PCNX1: variants seen among roughly 807,000 people sequenced by gnomAD.
The protein encoded by PCNX1 is pecanex 1.
Under a neutral mutation model 242.2 loss-of-function variants are expected in PCNX1, and 78 were observed. That is an observed-to-expected ratio of 0.32 (90% CI 0.27 to 0.39). The LOEUF (loss-of-function observed/expected upper bound fraction) is 0.39, where lower values mean the gene tolerates loss of function less well. Ranked by LOEUF, PCNX1 falls within the 10% of genes least tolerant of loss-of-function variation. The pLI is 1.00. For missense variants in PCNX1, 2,581 were observed against 2,856.5 expected (o/e 0.90, Z 2.20); for synonymous variants, 1,024 against 1,032.9 (o/e 0.99, Z 0.17).
At chr14:70,970,614 C>T (rs2058512508) in intron 5 of PCNX1, among the ~76,000 whole-genome samples, 1 of 152,168 alleles carries the variant, frequency 6.6e-6, no homozygotes, top group Non-Finnish European at 1.5e-5. Context: ...TGCAACTATA[C>T]ATTAACATAG....
At chr14:71,101,837 A>C (rs2062470252) in intron 30 of PCNX1, among the ~76,000 whole-genome samples, 153 bp from the exon 31 acceptor site, 1 of 152,034 alleles carries the variant, frequency 6.6e-6, no homozygotes. Flanking sequence ...TAACCCAGTT[A>C]TGACTGAGAA....
chr14:70,966,353 G>A (rs898092079), intron 3 of PCNX1, among the ~76,000 whole-genome samples: 16 of 152,304 alleles, frequency 1.1e-4, no homozygotes, highest in African/African-American at 2.9e-4. Context: ...GCAGCCTAAC[G>A]TTAGGCCTCT....
chr14:70,971,693 A>T (rs546522576), intron 5 of PCNX1, among the ~76,000 whole-genome samples: 16 of 152,290 alleles, frequency 1.1e-4, no homozygotes, highest in Non-Finnish European at 2.2e-4. Flanking sequence ...TTTTAATTTT[A>T]AATAGAGTAG....
chr14:70,997,553 G>C (rs535236752), intron 8 of PCNX1, among the ~76,000 whole-genome samples: 1 of 152,220 alleles, frequency 6.6e-6, no homozygotes, highest in South Asian at 2.1e-4. Flanking sequence ...AACCTCTTCT[G>C]ATTGGAGACG....
At position 71,099,980 on chromosome 14, in the gene PCNX1, T is replaced by G. The variant is rs147049311; in HGVS notation, c.5590-2010T>G. Among the ~76,000 whole-genome samples the G allele has an allele frequency of 8.5e-3, 1,297 of 152,272 alleles. 8 individuals are homozygous for G. The highest frequency in any genetic ancestry group is 0.017 in the South Asian group (81 of 4,818). ...GTCATTGCATGTGAGATGGGTCTCTTGAAGAGACCAGACAAATGGATCTTT... is the reference window on the plus strand; with the variant it reads ...GTCATTGCATGTGAGATGGGTCTCTGGAAGAGACCAGACAAATGGATCTTT... On this transcript the variant is annotated intron_variant, in intron 30 of 35. Transcript: ENST00000304743.
chr14:70,984,816 T>A (rs927971284), intron 6 of PCNX1, among the ~76,000 whole-genome samples: 2 of 152,256 alleles, frequency 1.3e-5, no homozygotes, highest in African/African-American at 4.8e-5. Context: ...CCAGCTATTC[T>A]AAAAGTATAT....
chr14:71,088,764 C>T lies in PCNX1; in HGVS notation c.5438+334C>T, dbSNP rs574419268. On this transcript the variant is annotated intron_variant, in intron 29 of 35. Transcript: ENST00000304743. ...TAAATTCATTTTCCATATTTCCTTG[C>T]AGTCTTTGTCCAGGGTATTTATACT... 4.6e-5 allele frequency among the ~76,000 whole-genome samples: 7 copies of T among 152,236 alleles called. No individual in the cohort carries two copies. In the East Asian group the frequency reaches 1.3e-3, roughly 29 times the overall value.
intron 26 of PCNX1, 50 bp from the exon 27 acceptor site, chr14:71,073,495 T>G (rs750366873): frequency 6.5e-7 from 1 of 1,540,058 alleles, no homozygotes; most frequent in South Asian, 1.2e-5. Context: ...CATTCATTTT[T>G]CCCACTTTCT....
chr14:70,960,399 ATTATCTCAAGATGCAGAAAAGGCCT>A (rs1479690367), intron 2 of PCNX1, among the ~76,000 whole-genome samples: 18 of 152,200 alleles, frequency 1.2e-4, no homozygotes, highest in Non-Finnish European at 1.8e-4. Flanking sequence ...TCTTCACGTG[ATTATCTCAAGATGCAGAAAAGGCCT>A]TTATCTCAAG....
chr14:71,051,119 G>A (rs576956449), intron 23 of PCNX1, among the ~76,000 whole-genome samples: 125 of 130,914 alleles, frequency 9.5e-4, no homozygotes, highest in Non-Finnish European at 7.6e-4. Flanking sequence ...AGTGAGCCGA[G>A]ATTGCGCCAT....
chr14:71,113,147 A>ATATT lies in PCNX1; in HGVS notation c.*3214_*3217dup, dbSNP rs1348420840. 6.6e-6 allele frequency: 1 copy of ATATT among 152,210 alleles called. No homozygotes were observed. The highest frequency in any genetic ancestry group is 2.4e-5 in the African/African-American group (1 of 41,456). 9.4% of individuals were successfully genotyped at this position (152,210 alleles called of 1,614,324 possible). Reference sequence around the variant, plus strand: ...AAGAGTAAGTGGTGAGGCTGTATGTATATTTTTTAAGAGATTACCTTTTAG... The same window carrying ATATT: ...AAGAGTAAGTGGTGAGGCTGTATGTATATTTATTTTTTAAGAGATTACCTTTTAG... On this transcript the variant is annotated 3_prime_UTR_variant, in exon 36 of 36. Transcript: ENST00000304743.
At chr14:71,036,036 T>G (rs72724350) in intron 18 of PCNX1, 29 bp from the exon 19 acceptor site, 12 of 1,382,238 alleles carry the variant, frequency 8.7e-6, no homozygotes, top group Non-Finnish European at 1.0e-5. Context: ...TTTATGTAAT[T>G]GTTTAATAAT....
In PCNX1 at chr14:70,962,322, A is replaced by G. The variant is rs1458997323; in HGVS notation, c.459A>G (p.Pro153=). 1 of 1,605,322 alleles carries G rather than the reference A, an allele frequency of 6.2e-7. No individual in the cohort carries two copies. Among genetic ancestry groups the G allele is most frequent in the Non-Finnish European group, 8.5e-7 (1 of 1,172,074 alleles). ...SSRNSYAGLD[P]SNQIGSGSSR... ...GAAATTCTTATGCCGGTCTAGATCC[A>G]AGCAACCAGGTAGGAACCTGCGCTG... The change falls in exon 3 of 36, where the codon CCA becomes CCG. Residue 153 remains proline, a synonymous_variant. Transcript: ENST00000304743.
Position 71,004,848 on chromosome 14 carries a change from T to C in PCNX1, c.2630-4786T>C, listed in dbSNP as rs114583043. On this transcript the variant is annotated intron_variant, in intron 8 of 35. Transcript: ENST00000304743. The stretch of plus-strand genomic sequence containing the variant: ...CAGATTATTTCTTGAATAACATTTC[T>C]ATTATTGAGTACTTCAGTCATATAG... 8.9e-3 allele frequency among the ~76,000 whole-genome samples: 1,359 copies of C among 152,354 alleles called. 9 individuals carry two copies. Among genetic ancestry groups the C allele is most frequent in the South Asian group, 0.017 (82 of 4,828 alleles).
intron 22 of PCNX1, among the ~76,000 whole-genome samples, chr14:71,049,341 G>A (rs1190825272): frequency 4.6e-5 from 7 of 152,106 alleles, no homozygotes; most frequent in Non-Finnish European, 8.8e-5. Flanking sequence ...TCAGTAGATA[G>A]AATTTAACAA....
intron 1 of PCNX1, among the ~76,000 whole-genome samples, chr14:70,929,735 A>T (rs568338362): frequency 6.6e-6 from 1 of 152,188 alleles, no homozygotes; most frequent in South Asian, 2.1e-4. Flanking sequence ...ACTCAAACTT[A>T]TACTGAAATG....
intron 30 of PCNX1, among the ~76,000 whole-genome samples, chr14:71,094,958 A>T (rs2062235073): frequency 6.6e-6 from 1 of 152,224 alleles, no homozygotes; most frequent in Admixed American, 6.5e-5. Flanking sequence ...AGAAACTGTT[A>T]TGATCTGTGC....
intron 3 of PCNX1, among the ~76,000 whole-genome samples, chr14:70,962,832 C>CT (rs201378407): frequency 2.7e-3 from 416 of 152,286 alleles, no homozygotes; most frequent in Non-Finnish European, 3.6e-3. Flanking sequence ...CAAAACTTGG[C>CT]TGGACCTTTG....
chr14:70,974,501 T>G (rs1352328805), intron 5 of PCNX1, among the ~76,000 whole-genome samples: 1 of 152,212 alleles, frequency 6.6e-6, no homozygotes, highest in Non-Finnish European at 1.5e-5. Context: ...TTTTAGTGCC[T>G]GTATGAAATT....
Sources: gnomAD v4.1 joint callset for allele counts (sites outside exome capture counted in the v4.1 genomes callset) on GRCh38, gnomAD v4.1.1 for gene constraint, MANE v1.5 for transcripts, NCBI Gene and HGNC (gene_info 2026-07-23, HGNC 2026-07-21) for gene names.